Variants in MYO3B observed in about 807,000 individuals in gnomAD.
The protein encoded by MYO3B is myosin IIIB, also known as myosin-IIIb.
A neutral mutation model predicts 174.6 loss-of-function variants in MYO3B; 156 were observed. That is an observed-to-expected ratio of 0.89 (90% CI 0.78 to 1.02). The LOEUF is 1.02. MYO3B is among the 50% of genes least tolerant of loss of function. MYO3B has a pLI of 0.00. For synonymous variants in MYO3B, 563 were observed against 569.1 expected, an observed-to-expected ratio of 0.99 and a Z score of 0.15; for missense variants, 1,632 against 1,639.4, an observed-to-expected ratio of 1.00 and a Z score of 0.08.
chr2:170,633,449 TA>T (rs139195597), intron 32 of MYO3B, among the ~76,000 whole-genome samples: 4,831 of 152,246 alleles, frequency 0.032, 111 homozygotes, highest in Non-Finnish European at 0.054. Flanking sequence ...CTCAATAAAC[TA>T]GGTATTCAAG....
intron 7 of MYO3B, among the ~76,000 whole-genome samples, chr2:170,287,781 T>TA (rs1007153484): frequency 2.6e-5 from 4 of 151,364 alleles, no homozygotes; most frequent in Middle Eastern, 3.2e-3. Context: ...ATGTCTTACA[T>TA]AAAAAAAAAC....
rs143084664 is a variant in MYO3B, at chr2:170,546,577, A to G, written c.3733+2589A>G. On this transcript the variant is annotated intron_variant, in intron 32 of 34. Coordinates refer to ENST00000408978, the MANE Select transcript of MYO3B (RefSeq NM_138995.5). ...GGCAGGAGAAGCAAAGGAAGTTTAGACATGAAGACGTGAGAAAACACTATA... is the reference window on the plus strand; with the variant it reads ...GGCAGGAGAAGCAAAGGAAGTTTAGGCATGAAGACGTGAGAAAACACTATA... Among the ~76,000 whole-genome samples, 581 of 152,372 alleles carry G rather than the reference A, an allele frequency of 3.8e-3. 2 individuals are homozygous for G. The highest frequency in any genetic ancestry group is 0.013 in the African/African-American group (533 of 41,592).
chr2:170,340,532 TTTATTTAATG>T, intron 8 of MYO3B: 1 of 152,334 alleles, frequency 6.6e-6, no homozygotes, highest in African/African-American at 2.4e-5. Context: ...GTGGAACAAA[TTTATTTAATG>T]TAAGTTTTAT....
At chr2:170,301,422 C>T (rs1307972009) in intron 7 of MYO3B, among the ~76,000 whole-genome samples, 1 of 152,104 alleles carries the variant, frequency 6.6e-6, no homozygotes, top group African/African-American at 2.4e-5. Context: ...CAGATTGTAT[C>T]GATAATAGTT....
chr2:170,254,965 T>G (rs1444716839), intron 7 of MYO3B, among the ~76,000 whole-genome samples: 1 of 152,144 alleles, frequency 6.6e-6, no homozygotes, highest in Non-Finnish European at 1.5e-5. Flanking sequence ...GAGGGAGATC[T>G]GGTTTGGGAA....
chr2:170,499,928 T>A, intron 27 of MYO3B, 120 bp downstream of exon 27: 1 of 664,902 alleles, frequency 1.5e-6, no homozygotes, highest in Non-Finnish European at 2.3e-6. Context: ...CTCCCCTCCC[T>A]CCCTCCCTTC....
At chr2:170,629,012 G>A (rs1219070047) in intron 32 of MYO3B, among the ~76,000 whole-genome samples, 2 of 152,270 alleles carry the variant, frequency 1.3e-5, no homozygotes, top group Non-Finnish European at 2.9e-5. Context: ...AAATCAGAGT[G>A]AGCCCAACCG....
chr2:170,374,454 C>T (rs1333089403), intron 9 of MYO3B, among the ~76,000 whole-genome samples: 1 of 152,120 alleles, frequency 6.6e-6, no homozygotes. Flanking sequence ...GATAGCTGAG[C>T]TTGTGGGCAA....
intron 32 of MYO3B, among the ~76,000 whole-genome samples, chr2:170,633,745 G>A (rs191331803): frequency 6.6e-6 from 1 of 152,324 alleles, no homozygotes; most frequent in East Asian, 1.9e-4. Flanking sequence ...ATCTCCTTAA[G>A]CTAATAAGGA....
chr2:170,533,258 G>A (rs989505373), intron 30 of MYO3B, among the ~76,000 whole-genome samples: 4 of 152,050 alleles, frequency 2.6e-5, no homozygotes, highest in African/African-American at 4.8e-5. Context: ...GAAAATGTCC[G>A]TCCCTCCTCT....
intron 32 of MYO3B, among the ~76,000 whole-genome samples, chr2:170,628,545 C>T (rs1170850031): frequency 6.6e-6 from 1 of 152,138 alleles, no homozygotes; most frequent in Non-Finnish European, 1.5e-5. Flanking sequence ...GTGCGCTGCA[C>T]CCACCGTCCG....
intron 22 of MYO3B, among the ~76,000 whole-genome samples, chr2:170,440,501 A>G (rs1028071065): frequency 2.0e-5 from 3 of 152,168 alleles, no homozygotes; most frequent in Admixed American, 6.5e-5. Flanking sequence ...TGCCTCCTTG[A>G]TTAAATTTAT....
chr2:170,390,634 C>T (rs931516767), intron 14 of MYO3B, among the ~76,000 whole-genome samples: 1 of 152,126 alleles, frequency 6.6e-6, no homozygotes, highest in African/African-American at 2.4e-5. Context: ...GATTTCTTTT[C>T]ATGGAGCTAG....
At position 170,406,065 on chromosome 2, in the gene MYO3B, GA is replaced by G. The variant is rs371303933; in HGVS notation, c.2520+441del. 4.0e-3 allele frequency among the ~76,000 whole-genome samples: 603 copies of G among 151,060 alleles called. 6 individuals are homozygous for G. The highest frequency in any genetic ancestry group is 0.013 in the African/African-American group (555 of 41,236). On this transcript the variant is annotated intron_variant, in intron 21 of 34. Coordinates refer to ENST00000408978, the MANE Select transcript of MYO3B (RefSeq NM_138995.5). The stretch of plus-strand genomic sequence containing the variant: ...GGGCCCCAAAATGTCCAGATGAAAA[GA>G]AAAAAAAATTCACATTATTATCCAG...
intron 32 of MYO3B, among the ~76,000 whole-genome samples, chr2:170,557,997 A>G (rs1691442187): frequency 6.6e-6 from 1 of 150,616 alleles, no homozygotes; most frequent in Non-Finnish European, 1.5e-5. Context: ...ATGCTTACAG[A>G]AAAAAAAAAT....
intron 32 of MYO3B, among the ~76,000 whole-genome samples, chr2:170,549,540 T>C (rs1166639576): frequency 1.3e-5 from 2 of 152,242 alleles, no homozygotes; most frequent in African/African-American, 4.8e-5. Context: ...CCTTTCCAGT[T>C]GCTCTCATTA....
intron 25 of MYO3B, among the ~76,000 whole-genome samples, chr2:170,489,635 GT>G (rs1559050348): frequency 1.5e-4 from 7 of 45,180 alleles, no homozygotes; most frequent in Non-Finnish European, 2.7e-4. Flanking sequence ...ACCAGTAGGG[GT>G]GTGTGTGTGT....
intron 32 of MYO3B, among the ~76,000 whole-genome samples, chr2:170,619,854 C>A (rs1290635039): frequency 7.1e-6 from 1 of 140,920 alleles, no homozygotes; most frequent in Non-Finnish European, 1.5e-5. Context: ...TCAAGCAATT[C>A]TCCTGCCTCA....
chr2:170,180,858 C>T lies in MYO3B; in HGVS notation c.2+2569C>T, dbSNP rs555939252. Among the ~76,000 whole-genome samples, 4 of 152,212 alleles carry T rather than the reference C, an allele frequency of 2.6e-5. No individual in the cohort carries two copies. In the East Asian group the frequency reaches 5.8e-4, roughly 22 times the overall value. On this transcript the variant is annotated intron_variant, in intron 1 of 34. Coordinates refer to ENST00000408978, the MANE Select transcript of MYO3B (RefSeq NM_138995.5). ...TCTTTGTATTTACACAAAAATTGTC[C>T]TCTCTATACACTATTCAACACTTTT...
Sources: gnomAD v4.1 joint callset for allele counts (sites outside exome capture counted in the v4.1 genomes callset) on GRCh38, gnomAD v4.1.1 for gene constraint, MANE v1.5 for transcripts, NCBI Gene and HGNC (gene_info 2026-07-23, HGNC 2026-07-21) for gene names.